DNER: variants seen among roughly 807,000 people sequenced by gnomAD.
DNER encodes the protein delta/notch like EGF repeat containing.
In DNER, 33 loss-of-function variants were observed where a neutral mutation model predicts 78.2. That is an observed-to-expected ratio of 0.42 (90% CI 0.32 to 0.56). DNER has a LOEUF of 0.56. DNER is among the 20% of genes least tolerant of loss of function. DNER has a pLI of 0.11. For synonymous variants in DNER, 417 were observed against 384.8 expected, an observed-to-expected ratio of 1.08 and a Z score of -0.98; for missense variants, 918 against 975.3, an observed-to-expected ratio of 0.94 and a Z score of 0.78.
At chr2:229,576,261 C>T (rs1415078777) in intron 4 of DNER, among the ~76,000 whole-genome samples, 1 of 151,782 alleles carries the variant, frequency 6.6e-6, no homozygotes, top group Non-Finnish European at 1.5e-5. Context: ...TACCCCTGGC[C>T]CCCAGAGCAG....
chr2:229,451,276 G>T (rs1376104466), intron 7 of DNER, among the ~76,000 whole-genome samples: 1 of 152,180 alleles, frequency 6.6e-6, no homozygotes, highest in Admixed American at 6.5e-5. Context: ...GGCCAACGTG[G>T]TGAAATCCCG....
chr2:229,455,177 C>A (rs2106365523), intron 7 of DNER, among the ~76,000 whole-genome samples: 1 of 152,194 alleles, frequency 6.6e-6, no homozygotes, highest in Non-Finnish European at 1.5e-5. Flanking sequence ...CTCACATCTC[C>A]TTCAGCCACC....
chr2:229,564,815 T>G (rs1697071558), intron 4 of DNER, among the ~76,000 whole-genome samples: 1 of 152,112 alleles, frequency 6.6e-6, no homozygotes, highest in Non-Finnish European at 1.5e-5. Flanking sequence ...GTGGCTGTAA[T>G]GAATGACCAT....
At chr2:229,555,891 A>T (rs1459349381) in intron 4 of DNER, among the ~76,000 whole-genome samples, 3 of 152,182 alleles carry the variant, frequency 2.0e-5, no homozygotes, top group African/African-American at 7.2e-5. Context: ...TAACACTTTT[A>T]CGCATAAAAT....
At chr2:229,480,811 T>C (rs1200497042) in intron 6 of DNER, among the ~76,000 whole-genome samples, 2 of 152,350 alleles carry the variant, frequency 1.3e-5, no homozygotes, top group East Asian at 1.9e-4. Flanking sequence ...TTTATTTCCC[T>C]GAGCTTTAAA....
rs1699965392 is a variant in DNER at position 229,714,514 on chromosome 2, G to T, written c.-91C>A. On this transcript the variant is annotated 5_prime_UTR_variant, in exon 1 of 13. Coordinates refer to ENST00000341772, the MANE Select transcript of DNER (RefSeq NM_139072.4). ...GACGAGAGCTGCGAGAGCGACGGTG[G>T]CGGCTAGGGCTGCTCCGCCGGGCCG... 1 of 1,061,322 alleles carries T rather than the reference G, an allele frequency of 9.4e-7. No homozygotes were observed. Among genetic ancestry groups the T allele is most frequent in the African/African-American group, 1.7e-5 (1 of 58,828 alleles). The allele number at this position is 1,061,322 out of a possible 1,614,324, so 65.7% of individuals were successfully genotyped here.
chr2:229,482,591 T>A (rs1243673038), intron 6 of DNER, among the ~76,000 whole-genome samples: 1 of 152,186 alleles, frequency 6.6e-6, no homozygotes, highest in Non-Finnish European at 1.5e-5. Flanking sequence ...AGTATTGTTT[T>A]CATGCTGTGG....
At chr2:229,649,821 T>C (rs181843463) in intron 1 of DNER, among the ~76,000 whole-genome samples, 1 of 152,298 alleles carries the variant, frequency 6.6e-6, no homozygotes, top group East Asian at 1.9e-4. Context: ...ACGCCTGTAA[T>C]CCCAGCACTT....
At position 229,426,212 on chromosome 2, in the gene DNER, C is replaced by T. The variant is rs184847079; in HGVS notation, c.1487-7982G>A. ...ATCCCAGCACTTTGGGAGGCCGAGG[C>T]GGATGGATCACAAGGTCAGGAGATC... On this transcript the variant is annotated intron_variant, in intron 8 of 12. Coordinates refer to ENST00000341772, the MANE Select transcript of DNER (RefSeq NM_139072.4). Among the ~76,000 whole-genome samples the T allele has an allele frequency of 1.6e-3, 249 of 152,022 alleles. 1 individual carries two copies. The highest frequency in any genetic ancestry group is 2.7e-3 in the Non-Finnish European group (183 of 67,972).
chr2:229,441,893 A>T (rs1233215891), intron 8 of DNER, among the ~76,000 whole-genome samples: 1 of 152,198 alleles, frequency 6.6e-6, no homozygotes, highest in Non-Finnish European at 1.5e-5. Flanking sequence ...GTGCCAAGCA[A>T]GCTCCTGACA....
intron 5 of DNER, among the ~76,000 whole-genome samples, chr2:229,534,233 T>C (rs1189263756): frequency 6.6e-6 from 1 of 151,288 alleles, no homozygotes; most frequent in Non-Finnish European, 1.5e-5. Flanking sequence ...GACCAATAGA[T>C]TGTGATGATA....
chr2:229,711,342 G>A (rs748087830), intron 1 of DNER, among the ~76,000 whole-genome samples: 4 of 150,850 alleles, frequency 2.7e-5, no homozygotes, highest in Non-Finnish European at 5.9e-5. Context: ...TCATGAGGTA[G>A]GTCCCATAGA....
intron 5 of DNER, among the ~76,000 whole-genome samples, chr2:229,518,183 A>G (rs910954625): frequency 6.6e-6 from 1 of 152,336 alleles, no homozygotes; most frequent in South Asian, 2.1e-4. Context: ...TCTTCCAAGT[A>G]TGAGAGGTAT....
chr2:229,656,766 G>T (rs1213626206), intron 1 of DNER, among the ~76,000 whole-genome samples: 2 of 152,082 alleles, frequency 1.3e-5, no homozygotes, highest in Non-Finnish European at 2.9e-5. Context: ...GAGAGATTTT[G>T]ATGTCCTGGA....
intron 1 of DNER, among the ~76,000 whole-genome samples, chr2:229,629,449 T>G (rs1298041072): frequency 6.6e-6 from 1 of 152,198 alleles, no homozygotes. Context: ...GAGACCTCAT[T>G]GGGCAGAAAT....
chr2:229,681,881 C>T (rs10200943), intron 1 of DNER, among the ~76,000 whole-genome samples: 2,501 of 148,982 alleles, frequency 0.017, 71 homozygotes, highest in African/African-American at 0.059. Flanking sequence ...TATCGTATAA[C>T]ATGTTTATAA....
intron 10 of DNER, among the ~76,000 whole-genome samples, chr2:229,391,439 C>CTGT (rs201546783): frequency 0.029 from 4,475 of 152,272 alleles, 96 homozygotes; most frequent in African/African-American, 0.06. Flanking sequence ...TCTTAAACCA[C>CTGT]TGTTCTTGAA....
At chr2:229,706,757 G>A (rs1699833691) in intron 1 of DNER, among the ~76,000 whole-genome samples, 2 of 152,066 alleles carry the variant, frequency 1.3e-5, no homozygotes, top group Non-Finnish European at 2.9e-5. Flanking sequence ...TTTTTTTAAT[G>A]TAGAGGCAAG....
At position 229,602,044 on chromosome 2, in the gene DNER, T is replaced by G. The variant is rs55902623; in HGVS notation, c.277-10156A>C. On this transcript the variant is annotated intron_variant, in intron 1 of 12. Coordinates refer to ENST00000341772, the MANE Select transcript of DNER (RefSeq NM_139072.4). ...ATCATTCAAAGACCAATTTCTTGAA[T>G]AAAAAAGTTGCAGAACAATTCCAGT... Among the ~76,000 whole-genome samples, 1,431 of 152,192 alleles carry G rather than the reference T, an allele frequency of 9.4e-3. 34 individuals are homozygous for G. Among genetic ancestry groups the G allele is most frequent in the African/African-American group, 0.032 (1,349 of 41,542 alleles).
Sources: allele counts gnomAD v4.1 joint callset (sites outside exome capture counted in the v4.1 genomes callset), GRCh38; gene constraint gnomAD v4.1.1; transcripts MANE v1.5; gene names NCBI Gene and HGNC (gene_info 2026-07-23, HGNC 2026-07-21).